Variants in ZNF627 observed in about 807,000 individuals in gnomAD.
ZNF627 encodes the protein zinc finger protein 627.
In ZNF627, 12 loss-of-function variants were observed where a neutral mutation model predicts 10.6. The observed-to-expected ratio is 1.13, with a 90% CI of 0.73 to 1.84. ZNF627 has a LOEUF of 1.84. Ranked by LOEUF, ZNF627 falls within the 40% of genes most tolerant of loss-of-function variation. The pLI is 0.00. For synonymous variants in ZNF627, 176 were observed against 187.1 expected (o/e 0.94, Z 0.48); for missense variants, 504 against 568.4 (o/e 0.89, Z 1.15).
chr19:11,601,906 T>G (rs1568439363), intron 1 of ZNF627, among the ~76,000 whole-genome samples: 2 of 148,072 alleles, frequency 1.4e-5, no homozygotes, highest in Non-Finnish European at 3.0e-5. Flanking sequence ...CTCGGGAGGC[T>G]GAGGCAGGAG....
intron 3 of ZNF627, among the ~76,000 whole-genome samples, chr19:11,615,983 T>C (rs1973860368): frequency 6.6e-6 from 1 of 150,916 alleles, no homozygotes; most frequent in Non-Finnish European, 1.5e-5. Flanking sequence ...CCTCCGAAAG[T>C]GCTGGGATTA....
Position 11,614,814 on chromosome 19 carries a change from G to T in ZNF627, c.131-13G>T. The T allele has an allele frequency of 6.3e-7, 1 of 1,599,864 alleles. No individual in the cohort carries two copies. Among genetic ancestry groups the T allele is most frequent in the Non-Finnish European group, 8.5e-7 (1 of 1,175,456 alleles). ...TACTAATTCATAATGACTTTTCTGG[G>T]TCTAAATTTTAGGAAAACAATGGGA... On this transcript the variant is annotated splice_polypyrimidine_tract_variant and intron_variant, in intron 2 of 3. Coordinates refer to ENST00000361113, the MANE Select transcript of ZNF627 (RefSeq NM_145295.4).
At chr19:11,604,407 C>G (rs1973639217) in intron 1 of ZNF627, 1 of 152,194 alleles carries the variant, frequency 6.6e-6, no homozygotes, top group Non-Finnish European at 1.5e-5. Context: ...ACCTCCTGGA[C>G]CTCTCTCTGG....
chr19:11,611,536 G>T (rs904812594), intron 1 of ZNF627, among the ~76,000 whole-genome samples: 2 of 152,090 alleles, frequency 1.3e-5, no homozygotes, highest in African/African-American at 2.4e-5. Context: ...TTTTATCCAA[G>T]AAATCAATGC....
intron 1 of ZNF627, among the ~76,000 whole-genome samples, chr19:11,599,032 A>G (rs1973540915): frequency 6.6e-6 from 1 of 152,186 alleles, no homozygotes; most frequent in Non-Finnish European, 1.5e-5. Context: ...AAAAAAAACA[A>G]AAAACAGTGT....
intron 1 of ZNF627, among the ~76,000 whole-genome samples, chr19:11,610,813 G>A (rs1160700233): frequency 1.3e-5 from 2 of 152,082 alleles, no homozygotes. Flanking sequence ...TTCGTGACTC[G>A]CTAATAATAG....
intron 1 of ZNF627, among the ~76,000 whole-genome samples, chr19:11,601,175 A>C (rs1973578120): frequency 1.3e-5 from 2 of 152,164 alleles, no homozygotes; most frequent in Non-Finnish European, 2.9e-5. Context: ...AGCCCTTTAT[A>C]GTGAGAGAAG....
intron 1 of ZNF627, among the ~76,000 whole-genome samples, chr19:11,608,670 GC>G (rs1973715115): frequency 6.6e-6 from 1 of 151,940 alleles, no homozygotes; most frequent in Non-Finnish European, 1.5e-5. Context: ...CAAGTTCTTT[GC>G]CCATTTATTA....
chr19:11,618,882 A>C lies in ZNF627; in HGVS notation c.*993A>C, dbSNP rs981484892. On this transcript the variant is annotated 3_prime_UTR_variant, in exon 4 of 4. Transcript: ENST00000361113. ...ATTACATCAAGTTTATAATTTTGGC[A>C]AATTGTTAAGACACTGTGAAGTCAG... 2.0e-5 allele frequency: 3 copies of C among 152,200 alleles called. No homozygotes were observed. The highest frequency in any genetic ancestry group is 7.2e-5 in the African/African-American group (3 of 41,456). 9.4% of individuals were successfully genotyped at this position (152,200 alleles called of 1,614,324 possible).
At chr19:11,600,237 G>T (rs944389225) in intron 1 of ZNF627, among the ~76,000 whole-genome samples, 8 of 151,942 alleles carry the variant, frequency 5.3e-5, no homozygotes, top group Non-Finnish European at 8.8e-5. Context: ...TCAGGAGATC[G>T]AGACCATCCT....
At position 11,614,511 on chromosome 19, in the gene ZNF627, A is replaced by G; in HGVS notation, c.4-16A>G. 6.2e-7 allele frequency: 1 copy of G among 1,613,700 alleles called. No individual in the cohort carries two copies. ...CTGTCTCAACCTTCCTCCTCCACACATGGGGGATGTTTCAGGATTCAGTGG... is the reference window on the plus strand; with the variant it reads ...CTGTCTCAACCTTCCTCCTCCACACGTGGGGGATGTTTCAGGATTCAGTGG... On this transcript the variant is annotated splice_polypyrimidine_tract_variant and intron_variant, in intron 1 of 3. Coordinates refer to ENST00000361113, the MANE Select transcript of ZNF627 (RefSeq NM_145295.4).
intron 1 of ZNF627, 38 bp downstream of exon 1, chr19:11,597,668 A>AG (rs754260074): frequency 7.5e-7 from 1 of 1,336,252 alleles, no homozygotes; most frequent in Non-Finnish European, 9.7e-7. Flanking sequence ...GACCTGGGGG[A>AG]GGGGCTGGTT....
chr19:11,597,933 G>GC (rs910855569), intron 1 of ZNF627, among the ~76,000 whole-genome samples: 13 of 152,332 alleles, frequency 8.5e-5, no homozygotes, highest in African/African-American at 3.1e-4. Context: ...GTCTGTGGCC[G>GC]CCCCCCACAG....
At chr19:11,613,944 C>T (rs113113745) in intron 1 of ZNF627, among the ~76,000 whole-genome samples, 36 of 119,206 alleles carry the variant, frequency 3.0e-4, no homozygotes, top group South Asian at 5.2e-4. Context: ...TTTTTTGAGA[C>T]GGAGTCTTGC....
chr19:11,618,008 A>G lies in ZNF627; in HGVS notation c.*119A>G. The G allele has an allele frequency of 1.2e-6, 1 of 846,624 alleles. No homozygotes were observed. Among genetic ancestry groups the G allele is most frequent in the Non-Finnish European group, 1.7e-6 (1 of 578,026 alleles). 52.4% of individuals were successfully genotyped at this position (846,624 alleles called of 1,614,324 possible). A position where few individuals can be genotyped will look rare whatever the true frequency, so the allele number is the denominator to read the frequency against. On this transcript the variant is annotated 3_prime_UTR_variant, in exon 4 of 4. Transcript: ENST00000361113. ...TCACAGTGGAGAAAGACCCTGTAAG[A>G]TAATTGGCTTTAAATTACGAGAGAC...
chr19:11,617,749 G>T lies in ZNF627; in HGVS notation c.1246G>T (p.Glu416Ter). 2.5e-6 allele frequency: 4 copies of T among 1,613,574 alleles called. No homozygotes were observed. Among genetic ancestry groups the T allele is most frequent in the Non-Finnish European group, 2.5e-6 (3 of 1,179,906 alleles). Residue 416 changes from glutamate to a stop codon, truncating the protein, a stop_gained, in exon 4 of 4, where the codon GAG becomes TAG. Transcript: ENST00000361113. LOFTEE classifies it low-confidence loss of function (END_TRUNC). ...AATCCATGAAAGAACTCACACTGGA[G>T]AGAAACCCTATGAATGTAAGCAATG... ...FRIHERTHTGEKPYECKQCGK... is the reference protein window; with the variant it reads ...FRIHERTHTG
intron 1 of ZNF627, 37 bp downstream of exon 1, chr19:11,597,667 G>A: frequency 7.5e-7 from 1 of 1,337,524 alleles, no homozygotes; most frequent in South Asian, 2.6e-5. Flanking sequence ...AGACCTGGGG[G>A]AGGGGCTGGT....
chr19:11,599,627 C>T (rs749090676), intron 1 of ZNF627, among the ~76,000 whole-genome samples: 26 of 151,998 alleles, frequency 1.7e-4, no homozygotes, highest in East Asian at 5.8e-4. Context: ...TGACTTAGGC[C>T]GGGCGCGGTG....
At position 11,618,781 on chromosome 19, in the gene ZNF627, A is replaced by G. The variant is rs1973923170; in HGVS notation, c.*892A>G. 1 of 152,248 alleles carries G rather than the reference A, an allele frequency of 6.6e-6. No homozygotes were observed. The highest frequency in any genetic ancestry group is 1.5e-5 in the Non-Finnish European group (1 of 68,046). 9.4% of individuals were successfully genotyped at this position (152,248 alleles called of 1,614,324 possible). On this transcript the variant is annotated 3_prime_UTR_variant, in exon 4 of 4. Transcript: ENST00000361113. ...TTCAGTTGTTTGATTATATGTGACT[A>G]ATATGTATTTTTTATTCAAACAAGA...
Sources: gnomAD v4.1 joint callset for allele counts (sites outside exome capture counted in the v4.1 genomes callset) on GRCh38, gnomAD v4.1.1 for gene constraint, MANE v1.5 for transcripts, NCBI Gene and HGNC (gene_info 2026-07-23, HGNC 2026-07-21) for gene names.